TAF3: variants seen among roughly 807,000 people sequenced by gnomAD.
The protein encoded by TAF3 is TATA-box binding protein associated factor 3.
TAF3 carries 7 observed loss-of-function variants against 80.6 expected under a neutral mutation model. The observed-to-expected ratio is 0.09, with a 90% confidence interval of 0.05 to 0.16. The LOEUF (loss-of-function observed/expected upper bound fraction) is 0.16. Ranked by LOEUF, TAF3 falls within the 10% of genes least tolerant of loss-of-function variation. The probability of loss-of-function intolerance (pLI) is 1.00; values close to 1 mark genes in which losing one functional copy is unlikely to be tolerated. For synonymous variants in TAF3, 444 were observed against 446.1 expected, an observed-to-expected ratio of 1.00 and a Z score of 0.06; for missense variants, 921 against 1,140.2, an observed-to-expected ratio of 0.81 and a Z score of 2.77.
chr10:7,887,481 C>G (rs576264514), intron 2 of TAF3, among the ~76,000 whole-genome samples: 2 of 152,064 alleles, frequency 1.3e-5, no homozygotes, highest in African/African-American at 4.8e-5. Flanking sequence ...CTCTCTTTTT[C>G]TCTGTTTCTT....
At chr10:7,979,867 G>A (rs1564376405) in intron 4 of TAF3, among the ~76,000 whole-genome samples, 1 of 152,156 alleles carries the variant, frequency 6.6e-6, no homozygotes, top group African/African-American at 2.4e-5. Context: ...CAAATTATGG[G>A]CCAAATCCAG....
intron 2 of TAF3, among the ~76,000 whole-genome samples, chr10:7,876,949 A>G (rs1837317661): frequency 6.6e-6 from 1 of 151,936 alleles, no homozygotes; most frequent in Non-Finnish European, 1.5e-5. Flanking sequence ...GCAAATCTAA[A>G]TAAAACTGTC....
intron 2 of TAF3, among the ~76,000 whole-genome samples, chr10:7,941,334 CAAAAT>C (rs1430885192): frequency 3.9e-5 from 6 of 152,144 alleles, no homozygotes; most frequent in Non-Finnish European, 8.8e-5. Flanking sequence ...AAATGAATAA[CAAAAT>C]AAAATTTCAA....
intron 2 of TAF3, among the ~76,000 whole-genome samples, chr10:7,952,265 C>CA (rs973447072): frequency 8.6e-4 from 127 of 147,518 alleles, no homozygotes; most frequent in Admixed American, 1.7e-3. Context: ...TTATTTCTTG[C>CA]AAAAAAAAAA....
intron 2 of TAF3, among the ~76,000 whole-genome samples, chr10:7,913,227 G>T (rs1183946718): frequency 1.3e-5 from 2 of 152,132 alleles, no homozygotes; most frequent in African/African-American, 4.8e-5. Flanking sequence ...AGGCACACAG[G>T]GGGCTAGGGA....
chr10:7,964,856 C>A lies in TAF3; in HGVS notation c.1346C>A (p.Thr449Asn). The change falls in exon 3 of 7, where the codon ACT becomes AAT. Residue 449 changes from threonine to asparagine, a missense_variant. Thr to Asn is a moderately conservative substitution (Grantham distance 65). Around this residue, in one of 6 missense-constraint regions of TAF3, gnomAD observed 743 missense variants for 821.0 expected, o/e 0.90. Transcript: ENST00000344293. This position sits in a 1 kb window ranked among gnomAD's most constrained non-coding sequence, Gnocchi z 4.1. ...AACAATTTCACAAAGTCAGGATCCA[C>A]TCCTCTGCCTCTTTCCGGTGGAACC... is the stretch of plus-strand genomic sequence containing the variant. ...SANNFTKSGS[T>N]PLPLSGGTSS... 6.2e-7 allele frequency: 1 copy of A among 1,614,198 alleles called. No homozygotes were observed.
At chr10:8,002,893 A>T (rs1302192804) in intron 4 of TAF3, among the ~76,000 whole-genome samples, 1 of 152,212 alleles carries the variant, frequency 6.6e-6, no homozygotes, top group Non-Finnish European at 1.5e-5. Context: ...TTAAACTGTT[A>T]TAGCTTCCTG....
intron 2 of TAF3, among the ~76,000 whole-genome samples, chr10:7,954,972 A>G (rs1259537856): frequency 2.0e-5 from 3 of 148,306 alleles, no homozygotes; most frequent in African/African-American, 5.0e-5. Flanking sequence ...CGAGCTCTCC[A>G]TAGTGAGATT....
chr10:7,828,328 A>C (rs1207530449), intron 2 of TAF3, among the ~76,000 whole-genome samples: 1 of 152,214 alleles, frequency 6.6e-6, no homozygotes, highest in Non-Finnish European at 1.5e-5. Flanking sequence ...GCTGGGCTGG[A>C]TAGGTACTTG....
At chr10:7,898,157 T>C (rs117638531) in intron 2 of TAF3, among the ~76,000 whole-genome samples, 3 of 152,326 alleles carry the variant, frequency 2.0e-5, no homozygotes, top group East Asian at 3.9e-4. Flanking sequence ...GAAGTACAAA[T>C]GGCTTCAACA....
At chr10:7,959,151 CACACACACACACAA>C (rs902742071) in intron 2 of TAF3, among the ~76,000 whole-genome samples, 7 of 138,184 alleles carry the variant, frequency 5.1e-5, no homozygotes, top group Non-Finnish European at 1.1e-4. Flanking sequence ...CACACACACA[CACACACACACACAA>C]AAAAAGTTTC....
At chr10:7,948,406 A>G (rs534193110) in intron 2 of TAF3, among the ~76,000 whole-genome samples, 20 of 152,168 alleles carry the variant, frequency 1.3e-4, no homozygotes, top group African/African-American at 4.6e-4. Flanking sequence ...GATTTTAAGA[A>G]TGTTTATTCT....
At chr10:7,902,748 C>T (rs1390047479) in intron 2 of TAF3, among the ~76,000 whole-genome samples, 5 of 152,060 alleles carry the variant, frequency 3.3e-5, no homozygotes, top group African/African-American at 1.2e-4. Flanking sequence ...TGATCCTCCG[C>T]GTTCATTTAG....
intron 2 of TAF3, among the ~76,000 whole-genome samples, chr10:7,869,261 CTGTGTGTG>C (rs933023279): frequency 6.6e-6 from 1 of 150,772 alleles, no homozygotes. Context: ...GTGTGTGTGT[CTGTGTGTG>C]TGTGTCTGTG....
At chr10:7,904,015 G>A (rs188132359) in intron 2 of TAF3, among the ~76,000 whole-genome samples, 43 of 152,280 alleles carry the variant, frequency 2.8e-4, no homozygotes, top group Non-Finnish European at 4.4e-4. Flanking sequence ...TTCACGGTGC[G>A]TCTGAGTTGG....
Position 7,954,695 on chromosome 10 carries a change from C to G in TAF3, c.410-9225C>G, listed in dbSNP as rs1173446692. ...TGGATTAGTCCTAGTTAACACAGAG[C>G]TCTCCCTAGTGAGATTCAGAGTGCA... On this transcript the variant is annotated intron_variant, in intron 2 of 6. Transcript: ENST00000344293. Among the ~76,000 whole-genome samples, 5 of 139,628 alleles carry G rather than the reference C, an allele frequency of 3.6e-5. 1 individual carries two copies. The highest frequency in any genetic ancestry group is 1.3e-4 in the African/African-American group (5 of 39,046). The allele number at this position is 139,628 out of a possible 152,430, so 91.6% of individuals were successfully genotyped here.
intron 2 of TAF3, among the ~76,000 whole-genome samples, chr10:7,920,301 T>TAC (rs1837750886): frequency 1.4e-5 from 1 of 71,784 alleles, no homozygotes. Flanking sequence ...TAAACATACG[T>TAC]GTGTGTGTGT....
At chr10:7,895,471 A>G (rs766417738) in intron 2 of TAF3, among the ~76,000 whole-genome samples, 23 of 152,312 alleles carry the variant, frequency 1.5e-4, no homozygotes, top group Middle Eastern at 6.8e-3. Context: ...CTTGAAACCA[A>G]TGCATCACAC....
chr10:7,937,677 A>C (rs148358394), intron 2 of TAF3, among the ~76,000 whole-genome samples: 1 of 152,298 alleles, frequency 6.6e-6, no homozygotes, highest in Non-Finnish European at 1.5e-5. Context: ...CTGAAGGATG[A>C]GTAACAGGTG....
Sources: allele counts gnomAD v4.1 joint callset (sites outside exome capture counted in the v4.1 genomes callset), GRCh38; gene constraint gnomAD v4.1.1; regional missense constraint gnomAD v4.1.1; non-coding constraint Gnocchi (gnomAD v3.1); transcripts MANE v1.5; gene names NCBI Gene and HGNC (gene_info 2026-07-23, HGNC 2026-07-21).